FHOD3: variants seen among roughly 807,000 people sequenced by gnomAD.
FHOD3 encodes formin homology 2 domain containing 3.
In FHOD3, 90 loss-of-function variants were observed where a neutral mutation model predicts 173.0. The observed-to-expected ratio is 0.52, with a 90% CI of 0.44 to 0.62. The LOEUF is 0.62. Among genes scored for constraint, FHOD3 ranks in the 20% least tolerant of loss-of-function variants. FHOD3 has a pLI of 0.00. For missense variants in FHOD3, 1,945 were observed against 2,034.7 expected, an observed-to-expected ratio of 0.96 and a Z score of 0.85; for synonymous variants, 828 against 823.0, an observed-to-expected ratio of 1.01 and a Z score of -0.10.
intron 5 of FHOD3, among the ~76,000 whole-genome samples, chr18:36,524,231 G>A (rs1438902618): frequency 3.3e-5 from 5 of 150,682 alleles, no homozygotes; most frequent in African/African-American, 4.9e-5. Context: ...GCAGTGAACC[G>A]AGACTGTGCC....
intron 1 of FHOD3, among the ~76,000 whole-genome samples, chr18:36,354,869 C>T (rs1173982279): frequency 3.3e-5 from 5 of 151,598 alleles, no homozygotes; most frequent in African/African-American, 9.7e-5. Flanking sequence ...ATCCCAGCTA[C>T]TCGGGAGGCT....
intron 3 of FHOD3, among the ~76,000 whole-genome samples, chr18:36,484,524 C>T (rs2054091676): frequency 1.3e-5 from 2 of 152,098 alleles, no homozygotes; most frequent in African/African-American, 4.8e-5. Flanking sequence ...ATCTAGTAGC[C>T]TTAAGTCTCA....
At chr18:36,553,159 G>A (rs988397337) in intron 5 of FHOD3, among the ~76,000 whole-genome samples, 103 of 152,302 alleles carry the variant, frequency 6.8e-4, no homozygotes, top group African/African-American at 2.4e-3. Context: ...TTGCATCCCA[G>A]GGATGAAGCC....
At chr18:36,649,539 C>A in intron 11 of FHOD3, 134 bp downstream of exon 11, 2 of 561,210 alleles carry the variant, frequency 3.6e-6, no homozygotes, top group Non-Finnish European at 6.1e-6. Context: ...ACCCTGTTCA[C>A]AGAGCCACAG....
chr18:36,344,632 C>A (rs2045793881), intron 1 of FHOD3, among the ~76,000 whole-genome samples: 1 of 151,990 alleles, frequency 6.6e-6, no homozygotes, highest in Non-Finnish European at 1.5e-5. Context: ...CCAAATATGG[C>A]AGGAAAAGAG....
At chr18:36,380,948 G>A (rs2047751886) in intron 3 of FHOD3, among the ~76,000 whole-genome samples, 1 of 152,128 alleles carries the variant, frequency 6.6e-6, no homozygotes. Context: ...CCAATGGCAA[G>A]GCATTTCCTC....
intron 3 of FHOD3, among the ~76,000 whole-genome samples, chr18:36,395,039 A>G (rs1236654710): frequency 6.6e-6 from 1 of 152,224 alleles, no homozygotes; most frequent in African/African-American, 2.4e-5. Context: ...AGAACACAAG[A>G]GTGGATAGAA....
rs1054999773 is a variant in FHOD3 at position 36,391,795 on chromosome 18, G to A, written c.337+19051G>A. Among the ~76,000 whole-genome samples the A allele has an allele frequency of 4.6e-5, 7 of 152,098 alleles. No homozygotes were observed. In the South Asian group the frequency reaches 8.3e-4, roughly 18 times the overall value. Reference sequence around the variant, plus strand: ...GACACCTCCTGCCCCTCCAGCTTTCGTTCTGCTGGTGGCTTTCCAGACAAA... The same window carrying A: ...GACACCTCCTGCCCCTCCAGCTTTCATTCTGCTGGTGGCTTTCCAGACAAA... On this transcript the variant is annotated intron_variant, in intron 3 of 28. Coordinates refer to ENST00000590592, the MANE Select transcript of FHOD3 (RefSeq NM_001281740.3).
intron 27 of FHOD3, among the ~76,000 whole-genome samples, chr18:36,764,620 A>G (rs1216203687): frequency 6.6e-6 from 1 of 152,160 alleles, no homozygotes; most frequent in African/African-American, 2.4e-5. Context: ...ATTTTAAAGG[A>G]AAAGAAACAT....
chr18:36,410,166 T>TC (rs544221664), intron 3 of FHOD3, among the ~76,000 whole-genome samples: 2 of 151,676 alleles, frequency 1.3e-5, no homozygotes, highest in Admixed American at 6.6e-5. Flanking sequence ...ACACCTAATT[T>TC]CCCCCCTGCC....
intron 1 of FHOD3, among the ~76,000 whole-genome samples, chr18:36,328,765 C>T (rs1445497577): frequency 1.3e-5 from 2 of 152,138 alleles, no homozygotes; most frequent in Non-Finnish European, 1.5e-5. Flanking sequence ...AGAGAGGGGT[C>T]AAGGCTGACT....
At chr18:36,429,678 G>A (rs2050430261) in intron 3 of FHOD3, among the ~76,000 whole-genome samples, 1 of 152,184 alleles carries the variant, frequency 6.6e-6, no homozygotes, top group South Asian at 2.1e-4. Context: ...CGGCAGAAAG[G>A]AGACATGGCA....
chr18:36,404,840 A>G (rs537003001), intron 3 of FHOD3, among the ~76,000 whole-genome samples: 1 of 152,298 alleles, frequency 6.6e-6, no homozygotes, highest in African/African-American at 2.4e-5. Flanking sequence ...TTTCGTCGCT[A>G]GAATTTTTTT....
At chr18:36,697,428 GA>G (rs2149537513) in intron 17 of FHOD3, among the ~76,000 whole-genome samples, 1 of 152,314 alleles carries the variant, frequency 6.6e-6, no homozygotes, top group Non-Finnish European at 1.5e-5. Flanking sequence ...ACCTAGCCAT[GA>G]AAGCAAAATT....
At chr18:36,554,113 T>C (rs550250505) in intron 5 of FHOD3, among the ~76,000 whole-genome samples, 1 of 152,262 alleles carries the variant, frequency 6.6e-6, no homozygotes, top group African/African-American at 2.4e-5. Flanking sequence ...GAAACACCAT[T>C]TGACCCAGCC....
intron 25 of FHOD3, among the ~76,000 whole-genome samples, chr18:36,757,728 G>A (rs2042692736): frequency 6.6e-6 from 1 of 152,168 alleles, no homozygotes; most frequent in African/African-American, 2.4e-5. Flanking sequence ...CCGTTTCTGG[G>A]TATTCAGAAG....
chr18:36,337,375 C>T (rs1007458956), intron 1 of FHOD3, among the ~76,000 whole-genome samples: 1 of 152,154 alleles, frequency 6.6e-6, no homozygotes, highest in Non-Finnish European at 1.5e-5. Context: ...TGGTATATAA[C>T]GTGAATAATC....
intron 3 of FHOD3, among the ~76,000 whole-genome samples, chr18:36,447,647 A>G (rs1021749627): frequency 5.3e-5 from 8 of 152,210 alleles, no homozygotes; most frequent in African/African-American, 1.9e-4. Flanking sequence ...AAGTACCCCA[A>G]ATCAGACAAG....
chr18:36,504,297 A>G (rs117274993), intron 4 of FHOD3, among the ~76,000 whole-genome samples: 2,391 of 152,232 alleles, frequency 0.016, 28 homozygotes, highest in Non-Finnish European at 0.024. Context: ...TCCTTCTGGT[A>G]TCTCTTCCTG....
Sources: gnomAD v4.1 joint callset for allele counts (sites outside exome capture counted in the v4.1 genomes callset) on GRCh38, gnomAD v4.1.1 for gene constraint, MANE v1.5 for transcripts, NCBI Gene and HGNC (gene_info 2026-07-23, HGNC 2026-07-21) for gene names.